TRAPPC9: variants seen among roughly 807,000 people sequenced by gnomAD.
The protein encoded by TRAPPC9 is trafficking protein particle complex subunit 9.
TRAPPC9 carries 83 observed loss-of-function variants against 124.0 expected under a neutral mutation model. The observed-to-expected ratio is 0.67, with a 90% CI of 0.56 to 0.80. The LOEUF is 0.80. Among genes scored for constraint, TRAPPC9 ranks in the 30% least tolerant of loss-of-function variants. The pLI is 0.00. For missense variants in TRAPPC9, 1,302 were observed against 1,508.3 expected, an observed-to-expected ratio of 0.86 and a Z score of 2.27; for synonymous variants, 638 against 617.5, an observed-to-expected ratio of 1.03 and a Z score of -0.49.
Position 140,031,661 on chromosome 8 carries a change from A to G in TRAPPC9, c.2557-7582T>C, listed in dbSNP as rs143663179. On this transcript the variant is annotated intron_variant, in intron 17 of 22. Transcript: ENST00000438773. The stretch of plus-strand genomic sequence containing the variant: ...CTTAAGGTCAATGAAACTCACAAAT[A>G]AAAGCCATACCATTACTTTCCAGTT... Among the ~76,000 whole-genome samples, 387 of 152,364 alleles carry G rather than the reference A, an allele frequency of 2.5e-3. 2 individuals carry two copies. Among genetic ancestry groups the G allele is most frequent in the African/African-American group, 8.9e-3 (368 of 41,580 alleles).
intron 16 of TRAPPC9, among the ~76,000 whole-genome samples, chr8:140,242,042 C>A (rs911443988): frequency 3.3e-5 from 5 of 152,048 alleles, no homozygotes; most frequent in African/African-American, 1.2e-4. Flanking sequence ...AAAAGAGAGA[C>A]GGACATTCCA....
intron 16 of TRAPPC9, among the ~76,000 whole-genome samples, chr8:140,251,157 G>A (rs752926142): frequency 4.6e-5 from 7 of 152,150 alleles, no homozygotes; most frequent in African/African-American, 1.2e-4. Context: ...GAGAAACCAC[G>A]GTCACCATTC....
chr8:140,045,653 A>AAAAAAAAAC, intron 17 of TRAPPC9, among the ~76,000 whole-genome samples: 1 of 144,058 alleles, frequency 6.9e-6, no homozygotes, highest in African/African-American at 2.6e-5. Flanking sequence ...AAAAAAAAAA[A>AAAAAAAAAC]AAAAAACCAA....
intron 17 of TRAPPC9, among the ~76,000 whole-genome samples, chr8:140,176,235 G>A (rs549317044): frequency 7.2e-5 from 11 of 152,180 alleles, no homozygotes; most frequent in African/African-American, 2.4e-4. Context: ...ATAAATTAAC[G>A]TACTGGTGTA....
chr8:139,733,118 T>C (rs925282667), intron 21 of TRAPPC9, among the ~76,000 whole-genome samples: 1 of 152,042 alleles, frequency 6.6e-6, no homozygotes, highest in Non-Finnish European at 1.5e-5. Context: ...TCTTTGAAGA[T>C]GTAATTAAGT....
At chr8:139,964,262 G>A (rs909311206) in intron 19 of TRAPPC9, among the ~76,000 whole-genome samples, 1 of 149,146 alleles carries the variant, frequency 6.7e-6, no homozygotes, top group Non-Finnish European at 1.5e-5. Context: ...GAGCACCTCA[G>A]GAGGCCAGGG....
intron 21 of TRAPPC9, among the ~76,000 whole-genome samples, chr8:139,865,328 C>T (rs1033812525): frequency 5.9e-5 from 9 of 152,206 alleles, no homozygotes; most frequent in East Asian, 1.9e-4. Flanking sequence ...CTTGAGGAGA[C>T]GGACTGTTTC....
intron 19 of TRAPPC9, among the ~76,000 whole-genome samples, chr8:139,912,423 T>TA (rs35134299): frequency 0.22 from 33,605 of 152,004 alleles, 3,960 homozygotes; most frequent in African/African-American, 0.32. Context: ...TTTCCAAGTT[T>TA]AAAAAAAATG....
rs1273973074 is a variant in TRAPPC9 at position 140,005,660 on chromosome 8, G to C, written c.2700-16824C>G. Among the ~76,000 whole-genome samples the C allele has an allele frequency of 2.6e-5, 4 of 152,002 alleles. No homozygotes were observed. The East Asian group carries it at 7.7e-4, about 29-fold the overall frequency. On this transcript the variant is annotated intron_variant, in intron 18 of 22. Transcript: ENST00000438773. The stretch of plus-strand genomic sequence containing the variant: ...TTGGGAAGACAAGGGAGAAGGGCTG[G>C]GTCAGATTATGGGAAGTCTTGGGTA...
At chr8:139,876,497 C>T (rs901826527) in intron 21 of TRAPPC9, among the ~76,000 whole-genome samples, 3 of 152,212 alleles carry the variant, frequency 2.0e-5, no homozygotes, top group African/African-American at 7.2e-5. Context: ...TCTGCACAAG[C>T]TCTGAGGCCA....
chr8:140,404,771 C>T (rs113224064), intron 6 of TRAPPC9, among the ~76,000 whole-genome samples: 27 of 150,594 alleles, frequency 1.8e-4, no homozygotes, highest in East Asian at 3.9e-4. Flanking sequence ...CATGTGTGTG[C>T]GTGTGTGAGC....
intron 21 of TRAPPC9, among the ~76,000 whole-genome samples, chr8:139,816,814 A>T (rs1179846521): frequency 6.6e-6 from 1 of 152,068 alleles, no homozygotes; most frequent in African/African-American, 2.4e-5. Context: ...TGCCAGGAAC[A>T]GTGACTTCCC....
intron 21 of TRAPPC9, among the ~76,000 whole-genome samples, chr8:139,848,138 G>A (rs571921370): frequency 1.3e-5 from 2 of 152,354 alleles, no homozygotes; most frequent in South Asian, 4.1e-4. Context: ...TGGAGGGACA[G>A]GCAGATGACA....
In TRAPPC9 at chr8:139,920,215, G is replaced by A. The variant is rs531988190; in HGVS notation, c.2811-9915C>T. ...ACAAAAATTAGCCAGGCGTGGTGGC[G>A]CGCACCTGTAATCCCAGCTACTCTG... On this transcript the variant is annotated intron_variant, in intron 19 of 22. Transcript: ENST00000438773. Among the ~76,000 whole-genome samples the A allele has an allele frequency of 9.8e-4, 149 of 152,218 alleles. 2 individuals carry two copies. The highest frequency in any genetic ancestry group is 3.1e-3 in the African/African-American group (128 of 41,540).
intron 6 of TRAPPC9, 120 bp from the exon 7 acceptor site, chr8:140,397,865 C>T: frequency 7.8e-7 from 1 of 1,281,658 alleles, no homozygotes; most frequent in Non-Finnish European, 1.1e-6. Context: ...CACAGGGCTC[C>T]AGATACCCCT....
At chr8:140,196,769 G>A (rs144669872) in intron 17 of TRAPPC9, among the ~76,000 whole-genome samples, 2,348 of 137,318 alleles carry the variant, frequency 0.017, 40 homozygotes, top group Middle Eastern at 0.045. Context: ...TCAATGATCC[G>A]CTATACAGCT....
At chr8:140,286,594 G>A (rs891407039) in intron 13 of TRAPPC9, among the ~76,000 whole-genome samples, 8 of 152,144 alleles carry the variant, frequency 5.3e-5, no homozygotes, top group South Asian at 4.2e-4. Flanking sequence ...GACAGACAGC[G>A]AGGGTCAGGA....
intron 2 of TRAPPC9, among the ~76,000 whole-genome samples, chr8:140,440,875 G>A (rs962145929): frequency 1.3e-5 from 2 of 151,502 alleles, no homozygotes; most frequent in East Asian, 3.9e-4. Context: ...TCTCTTTTAG[G>A]CTCATCTCAA....
chr8:140,388,930 T>C (rs1016693256), intron 7 of TRAPPC9, among the ~76,000 whole-genome samples: 7 of 148,300 alleles, frequency 4.7e-5, no homozygotes, highest in African/African-American at 1.7e-4. Context: ...AAGTGAGTAA[T>C]CTAGACACAG....
Sources: allele counts gnomAD v4.1 joint callset (sites outside exome capture counted in the v4.1 genomes callset), GRCh38; gene constraint gnomAD v4.1.1; transcripts MANE v1.5; gene names NCBI Gene and HGNC (gene_info 2026-07-23, HGNC 2026-07-21).